RGS6: variants seen among roughly 807,000 people sequenced by gnomAD.
The protein encoded by RGS6 is regulator of G-protein signaling 6.
Under a neutral mutation model 78.5 loss-of-function variants are expected in RGS6, and 30 were observed. The observed-to-expected ratio is 0.38, with a 90% CI of 0.29 to 0.52. The LOEUF (loss-of-function observed/expected upper bound fraction) is 0.52, where lower values mean the gene tolerates loss of function less well. RGS6 is among the 20% of genes least tolerant of loss of function. RGS6 has a pLI of 0.85. For synonymous variants in RGS6, 206 were observed against 206.0 expected, an observed-to-expected ratio of 1.00 and a Z score of 0.00; for missense variants, 495 against 609.7, an observed-to-expected ratio of 0.81 and a Z score of 1.98.
chr14:72,074,824 C>G (rs1049419429), intron 2 of RGS6, among the ~76,000 whole-genome samples: 3 of 152,122 alleles, frequency 2.0e-5, no homozygotes, highest in Non-Finnish European at 4.4e-5. Context: ...ATTTGGAGAT[C>G]ATATTCTGTT....
chr14:72,474,351 T>G (rs1427780371), intron 9 of RGS6, among the ~76,000 whole-genome samples: 1 of 152,218 alleles, frequency 6.6e-6, no homozygotes, highest in Non-Finnish European at 1.5e-5. Flanking sequence ...TTTTAAGGAC[T>G]GTGTCTGAGG....
intron 2 of RGS6, among the ~76,000 whole-genome samples, chr14:72,034,942 A>C (rs11621954): frequency 0.086 from 13,158 of 152,246 alleles, 617 homozygotes; most frequent in East Asian, 0.17. Context: ...AATTGCGGAA[A>C]TAAACAATAA....
intron 3 of RGS6, among the ~76,000 whole-genome samples, chr14:72,365,978 G>A: frequency 6.6e-6 from 1 of 152,130 alleles, no homozygotes; most frequent in East Asian, 1.9e-4. Context: ...AAGTCCTGGA[G>A]AACATTTTAT....
chr14:72,544,587 T>C (rs1000436322), intron 17 of RGS6, among the ~76,000 whole-genome samples: 6 of 152,144 alleles, frequency 3.9e-5, no homozygotes, highest in African/African-American at 1.4e-4. Context: ...CTCCTTGGAA[T>C]TGCGGCAGGA....
At chr14:72,531,706 T>A (rs1382898218) in intron 15 of RGS6, among the ~76,000 whole-genome samples, 1 of 152,228 alleles carries the variant, frequency 6.6e-6, no homozygotes, top group African/African-American at 2.4e-5. Context: ...GTATTTATGG[T>A]ATATAGCATG....
intron 2 of RGS6, among the ~76,000 whole-genome samples, chr14:72,153,523 G>T (rs2096724484): frequency 6.6e-6 from 1 of 152,154 alleles, no homozygotes; most frequent in Non-Finnish European, 1.5e-5. Context: ...GGGGGAACCT[G>T]CCCCCAGTAT....
chr14:72,019,306 A>C (rs933976152), intron 2 of RGS6, among the ~76,000 whole-genome samples: 2 of 152,192 alleles, frequency 1.3e-5, no homozygotes, highest in Admixed American at 1.3e-4. Flanking sequence ...AAAGGTCAAC[A>C]CTATTTTCCA....
chr14:72,335,213 G>A (rs1250436650), intron 2 of RGS6, among the ~76,000 whole-genome samples: 2 of 152,106 alleles, frequency 1.3e-5, no homozygotes, highest in African/African-American at 4.8e-5. Context: ...TCCAGTCTCA[G>A]GTAGGTCTTT....
intron 1 of RGS6, among the ~76,000 whole-genome samples, chr14:71,961,830 A>C (rs1292403728): frequency 6.6e-6 from 1 of 152,242 alleles, no homozygotes; most frequent in Non-Finnish European, 1.5e-5. Flanking sequence ...ATATAAGTAC[A>C]ATGAAGAACA....
At chr14:72,539,703 A>G (rs900154516) in intron 16 of RGS6, among the ~76,000 whole-genome samples, 1 of 152,164 alleles carries the variant, frequency 6.6e-6, no homozygotes, top group Non-Finnish European at 1.5e-5. Context: ...AGCAGCAAGC[A>G]AGCTGCTCAA....
chr14:72,060,591 C>T (rs1948702303), intron 2 of RGS6, among the ~76,000 whole-genome samples: 1 of 152,162 alleles, frequency 6.6e-6, no homozygotes, highest in African/African-American at 2.4e-5. Flanking sequence ...AAGTTGAAAT[C>T]ATCTGAGGTC....
the RGS6 span, among the ~76,000 whole-genome samples, chr14:71,876,923 C>T: frequency 0.87 from 132,080 of 152,044 alleles, 57,501 homozygotes; most frequent in South Asian, 0.91. Flanking sequence ...TTTATTTCTC[C>T]TTCACTTATG....
chr14:72,000,373 A>AT (rs1184884997), intron 2 of RGS6, among the ~76,000 whole-genome samples: 1 of 152,114 alleles, frequency 6.6e-6, no homozygotes, highest in Non-Finnish European at 1.5e-5. Flanking sequence ...AATTTGAGGA[A>AT]TGGGAGCTTG....
At chr14:71,948,469 T>A (rs2152985000) in intron 1 of RGS6, among the ~76,000 whole-genome samples, 1 of 152,340 alleles carries the variant, frequency 6.6e-6, no homozygotes, top group Admixed American at 6.5e-5. Context: ...GAGAACCCAA[T>A]ATGCTGCATC....
intron 14 of RGS6, chr14:72,513,821 T>A (rs973127050): frequency 2.0e-5 from 3 of 152,176 alleles, no homozygotes; most frequent in Admixed American, 6.5e-5. Flanking sequence ...CCCGTACATT[T>A]TTTGTGAGCT....
chr14:72,342,839 G>T lies in RGS6; in HGVS notation c.85-9256G>T, dbSNP rs905750288. ...GCATTGAAAATGGCGTGGAGGCAAT[G>T]ACTTAGGGTTTATAGACAGGCATCT... On this transcript the variant is annotated intron_variant, in intron 2 of 17. Coordinates refer to ENST00000553525, the MANE Select transcript of RGS6 (RefSeq NM_001204424.2). Among the ~76,000 whole-genome samples the T allele has an allele frequency of 5.3e-5, 8 of 151,562 alleles. No homozygotes were observed. The South Asian group carries it at 8.4e-4, about 16-fold the overall frequency.
At chr14:72,625,513 C>T in the RGS6 span, among the ~76,000 whole-genome samples, 1 of 152,136 alleles carries the variant, frequency 6.6e-6, no homozygotes, top group Non-Finnish European at 1.5e-5. Flanking sequence ...GCCCTGGAAT[C>T]AGCCATTTCT....
At chr14:71,891,501 C>T in the RGS6 span, among the ~76,000 whole-genome samples, 13 of 152,180 alleles carry the variant, frequency 8.5e-5, no homozygotes, top group Non-Finnish European at 1.5e-4. Flanking sequence ...TGATTTCTTA[C>T]ATGGCAACTG....
chr14:72,335,856 T>C (rs1595936089), intron 2 of RGS6, among the ~76,000 whole-genome samples: 1 of 152,208 alleles, frequency 6.6e-6, no homozygotes, highest in East Asian at 1.9e-4. Flanking sequence ...CTAATCACTC[T>C]CCTGCCAGCC....
Sources: allele counts gnomAD v4.1 joint callset (sites outside exome capture counted in the v4.1 genomes callset), GRCh38; gene constraint gnomAD v4.1.1; transcripts MANE v1.5; gene names NCBI Gene and HGNC (gene_info 2026-07-23, HGNC 2026-07-21).